ADAM18: variants seen among roughly 807,000 people sequenced by gnomAD.
ADAM18 encodes the protein disintegrin and metalloproteinase domain-containing protein 18.
In ADAM18, 117 loss-of-function variants were observed where a neutral mutation model predicts 94.4. The observed-to-expected ratio is 1.24, with a 90% confidence interval of 1.07 to 1.45. The LOEUF (loss-of-function observed/expected upper bound fraction) is 1.45. ADAM18 is among the 40% of genes most tolerant of loss of function. ADAM18 has a pLI of 0.00. For missense variants in ADAM18, 936 were observed against 880.0 expected (o/e 1.06, Z -0.81); for synonymous variants, 327 against 291.6 (o/e 1.12, Z -1.24).
At chr8:39,625,948 C>T (rs1407528434) in intron 6 of ADAM18, among the ~76,000 whole-genome samples, 1 of 151,950 alleles carries the variant, frequency 6.6e-6, no homozygotes, top group East Asian at 1.9e-4. Context: ...AGGATTTTTG[C>T]GTCTGTGCTC....
At chr8:39,663,328 C>T (rs931093352) in intron 12 of ADAM18, among the ~76,000 whole-genome samples, 1 of 151,160 alleles carries the variant, frequency 6.6e-6, no homozygotes, top group African/African-American at 2.4e-5. Context: ...GTGGCTAACT[C>T]CTGTAATCCT....
At chr8:39,587,967 G>A (rs1206473724) in intron 2 of ADAM18, among the ~76,000 whole-genome samples, 1 of 152,100 alleles carries the variant, frequency 6.6e-6, no homozygotes, top group African/African-American at 2.4e-5. Context: ...TCCAAACCAC[G>A]AATATTGTGA....
At chr8:39,604,036 G>A (rs1008150433) in intron 2 of ADAM18, among the ~76,000 whole-genome samples, 1 of 152,032 alleles carries the variant, frequency 6.6e-6, no homozygotes, top group Admixed American at 6.6e-5. Flanking sequence ...ATCTATAATT[G>A]ATTCATTTTT....
intron 19 of ADAM18, among the ~76,000 whole-genome samples, chr8:39,725,023 G>T (rs1292079755): frequency 6.6e-6 from 1 of 151,770 alleles, no homozygotes; most frequent in Non-Finnish European, 1.5e-5. Flanking sequence ...AAATACACTT[G>T]AATAGAAGGT....
At chr8:39,661,494 A>G (rs1820839042) in intron 12 of ADAM18, among the ~76,000 whole-genome samples, 1 of 151,740 alleles carries the variant, frequency 6.6e-6, no homozygotes, top group East Asian at 1.9e-4. Flanking sequence ...ATATTTTTAT[A>G]ATGTTTCTTT....
intron 14 of ADAM18, 82 bp downstream of exon 14, chr8:39,668,278 A>G: frequency 7.6e-7 from 1 of 1,323,156 alleles, no homozygotes; most frequent in Non-Finnish European, 1.1e-6. Flanking sequence ...CAACTCTAGA[A>G]GTGGAAGAAA....
intron 16 of ADAM18, among the ~76,000 whole-genome samples, chr8:39,681,075 G>A (rs1048559014): frequency 6.6e-6 from 1 of 152,086 alleles, no homozygotes; most frequent in Non-Finnish European, 1.5e-5. Flanking sequence ...CTAATGACTT[G>A]CTTTTAACAA....
chr8:39,609,591 T>C, intron 5 of ADAM18, 30 bp downstream of exon 5: 2 of 1,504,816 alleles, frequency 1.3e-6, no homozygotes, highest in Non-Finnish European at 1.8e-6. Context: ...AATCTATAGA[T>C]GGAGAACTTA....
chr8:39,637,344 T>C lies in ADAM18; in HGVS notation c.660+9T>C, dbSNP rs1385799105. 6.3e-7 allele frequency: 1 copy of C among 1,590,830 alleles called. No homozygotes were observed. The highest frequency in any genetic ancestry group is 1.4e-5 in the African/African-American group (1 of 73,688). On this transcript the variant is annotated intron_variant, in intron 8 of 19. Coordinates refer to ENST00000265707, the MANE Select transcript of ADAM18 (RefSeq NM_014237.3). ...TTGGGCTTGTCAACACTGTAAGTTT[T>C]TACTTTTTCACATTTCCATTTTCAT... is the stretch of plus-strand genomic sequence containing the variant.
chr8:39,663,208 T>C (rs779397659), intron 12 of ADAM18, among the ~76,000 whole-genome samples: 2 of 152,072 alleles, frequency 1.3e-5, no homozygotes, highest in East Asian at 3.9e-4. Flanking sequence ...TGAAATATTT[T>C]AGCTGATGAA....
intron 16 of ADAM18, among the ~76,000 whole-genome samples, chr8:39,692,118 A>C (rs1821799731): frequency 6.6e-6 from 1 of 151,854 alleles, no homozygotes; most frequent in Non-Finnish European, 1.5e-5. Context: ...TTTTACAAGA[A>C]ATAAATATTG....
At chr8:39,625,170 T>A (rs1819725913) in intron 6 of ADAM18, among the ~76,000 whole-genome samples, 1 of 152,220 alleles carries the variant, frequency 6.6e-6, no homozygotes, top group Admixed American at 6.5e-5. Flanking sequence ...CTTCCATCCA[T>A]GAGCATGGGA....
Position 39,688,056 on chromosome 8 carries a change from A to G in ADAM18, c.1822-4544A>G, listed in dbSNP as rs116210646. Among the ~76,000 whole-genome samples the G allele has an allele frequency of 1.4e-3, 215 of 152,310 alleles. 1 individual carries two copies. The highest frequency in any genetic ancestry group is 5.1e-3 in the African/African-American group (213 of 41,560). On this transcript the variant is annotated intron_variant, in intron 16 of 19. Transcript: ENST00000265707. The stretch of plus-strand genomic sequence containing the variant: ...AGGAGTAATTTCCAAAGTGCTTTCC[A>G]CAATGGTTGAACTAATTTACATTTC...
intron 16 of ADAM18, among the ~76,000 whole-genome samples, chr8:39,683,501 C>A (rs1821525879): frequency 6.6e-6 from 1 of 152,182 alleles, no homozygotes; most frequent in Non-Finnish European, 1.5e-5. Context: ...CTGCTAGAAT[C>A]TTTGGTCAAG....
intron 6 of ADAM18, 70 bp from the exon 7 acceptor site, chr8:39,629,304 C>A: frequency 8.1e-7 from 1 of 1,228,110 alleles, no homozygotes; most frequent in Non-Finnish European, 1.1e-6. Flanking sequence ...GCTGTCTTTA[C>A]ATGTCATCTT....
In ADAM18 at chr8:39,627,203, G is replaced by T. The variant is rs143954256; in HGVS notation, c.523-2171G>T. Among the ~76,000 whole-genome samples the T allele has an allele frequency of 4.5e-3, 686 of 152,226 alleles. 3 individuals are homozygous for T. The highest frequency in any genetic ancestry group is 0.013 in the East Asian group (65 of 5,180). On this transcript the variant is annotated intron_variant, in intron 6 of 19. Transcript: ENST00000265707. ...ACTGGGTAATTTGTAAAGTAAAAAGGTTTAATGGATTCACAGCTCCACATG... is the reference window on the plus strand; with the variant it reads ...ACTGGGTAATTTGTAAAGTAAAAAGTTTTAATGGATTCACAGCTCCACATG...
chr8:39,640,074 T>C (rs144738094), intron 10 of ADAM18, among the ~76,000 whole-genome samples: 1 of 152,250 alleles, frequency 6.6e-6, no homozygotes, highest in African/African-American at 2.4e-5. Context: ...GCAGGTTTGT[T>C]ACCTAGTTAA....
chr8:39,692,454 G>T, intron 16 of ADAM18, 146 bp from the exon 17 acceptor site: 1 of 415,282 alleles, frequency 2.4e-6, no homozygotes, highest in African/African-American at 2.1e-5. Flanking sequence ...TTAAGATAAT[G>T]TTAATCATAT....
chr8:39,601,172 G>A (rs554772976), intron 2 of ADAM18, among the ~76,000 whole-genome samples: 1 of 152,152 alleles, frequency 6.6e-6, no homozygotes, highest in African/African-American at 2.4e-5. Flanking sequence ...CTGCCTTTCT[G>A]ATCTAATCAC....
Sources: gnomAD v4.1 joint callset for allele counts (sites outside exome capture counted in the v4.1 genomes callset) on GRCh38, gnomAD v4.1.1 for gene constraint, MANE v1.5 for transcripts, NCBI Gene and HGNC (gene_info 2026-07-23, HGNC 2026-07-21) for gene names.